Variants in SLC2A13 observed in about 807,000 individuals in gnomAD.
SLC2A13 encodes proton myo-inositol cotransporter.
A neutral mutation model predicts 64.4 loss-of-function variants in SLC2A13; 32 were observed. The ratio of observed to expected loss-of-function variants is 0.50; its 90% CI spans 0.37 to 0.67. The LOEUF is 0.67. SLC2A13 is among the 30% of genes least tolerant of loss of function. The probability of loss-of-function intolerance (pLI) is 0.00; values close to 1 mark genes in which losing one functional copy is unlikely to be tolerated. For missense variants in SLC2A13, 743 were observed against 829.2 expected (o/e 0.90, Z 1.28); for synonymous variants, 338 against 327.1 (o/e 1.03, Z -0.36).
chr12:39,789,187 C>A (rs1941290707), intron 7 of SLC2A13, among the ~76,000 whole-genome samples: 1 of 152,036 alleles, frequency 6.6e-6, no homozygotes, highest in Non-Finnish European at 1.5e-5. Context: ...GAGATAATTA[C>A]CATCATGAGT....
intron 1 of SLC2A13, among the ~76,000 whole-genome samples, chr12:40,051,012 TAGTTATG>T (rs1948244946): frequency 6.6e-6 from 1 of 152,178 alleles, no homozygotes; most frequent in Admixed American, 6.6e-5. Flanking sequence ...TTATCATCTC[TAGTTATG>T]AGGCATCCCA....
At chr12:40,016,516 T>C (rs1947624704) in intron 3 of SLC2A13, among the ~76,000 whole-genome samples, 1 of 152,206 alleles carries the variant, frequency 6.6e-6, no homozygotes, top group South Asian at 2.1e-4. Flanking sequence ...ATGGTCAAGA[T>C]AATCATTTGT....
intron 3 of SLC2A13, among the ~76,000 whole-genome samples, chr12:40,015,692 T>C (rs1439480532): frequency 2.0e-5 from 3 of 152,190 alleles, no homozygotes; most frequent in African/African-American, 7.2e-5. Context: ...ATTCCTTTAT[T>C]GTCTGTGTTC....
chr12:40,038,406 G>A (rs1205814841), intron 2 of SLC2A13, among the ~76,000 whole-genome samples: 1 of 151,952 alleles, frequency 6.6e-6, no homozygotes, highest in Non-Finnish European at 1.5e-5. Flanking sequence ...TATACCCCAG[G>A]ATATGATGAA....
At chr12:39,896,550 A>G (rs941449070) in intron 4 of SLC2A13, among the ~76,000 whole-genome samples, 7 of 141,194 alleles carry the variant, frequency 5.0e-5, no homozygotes, top group Admixed American at 1.6e-4. Context: ...GTATGTGTGT[A>G]TACATGTATA....
chr12:39,995,431 C>T (rs1947210647), intron 3 of SLC2A13, among the ~76,000 whole-genome samples: 1 of 152,080 alleles, frequency 6.6e-6, no homozygotes, highest in African/African-American at 2.4e-5. Flanking sequence ...TCCCATCCTC[C>T]AGTAACCACC....
At chr12:39,963,572 A>G (rs972683759) in intron 3 of SLC2A13, among the ~76,000 whole-genome samples, 1 of 152,202 alleles carries the variant, frequency 6.6e-6, no homozygotes, top group African/African-American at 2.4e-5. Flanking sequence ...CTGCCAAACT[A>G]TTCTTACAAC....
At chr12:39,774,765 C>G (rs1189880010) in intron 7 of SLC2A13, among the ~76,000 whole-genome samples, 1 of 152,010 alleles carries the variant, frequency 6.6e-6, no homozygotes. Flanking sequence ...CAAAAAGCCA[C>G]TTTTTTCCTG....
chr12:40,084,966 G>A (rs1206200472), intron 1 of SLC2A13, among the ~76,000 whole-genome samples: 1 of 152,172 alleles, frequency 6.6e-6, no homozygotes, highest in Non-Finnish European at 1.5e-5. Context: ...GAGAGAAGCT[G>A]AAGGTTAAGT....
chr12:39,964,708 C>A (rs541725627), intron 3 of SLC2A13, among the ~76,000 whole-genome samples: 5 of 152,274 alleles, frequency 3.3e-5, no homozygotes, highest in Non-Finnish European at 7.4e-5. Context: ...AAGGTGAATG[C>A]TGGATCTTAG....
intron 3 of SLC2A13, among the ~76,000 whole-genome samples, chr12:39,955,758 C>T (rs1158263061): frequency 1.3e-5 from 2 of 151,896 alleles, no homozygotes; most frequent in Non-Finnish European, 2.9e-5. Flanking sequence ...GAGGAAGATT[C>T]GAGACAAAAG....
At chr12:40,053,281 CAAAAAAAAAA>C (rs35810974) in intron 1 of SLC2A13, among the ~76,000 whole-genome samples, 3 of 69,122 alleles carry the variant, frequency 4.3e-5, no homozygotes. Context: ...GACTCCATCT[CAAAAAAAAAA>C]AAAAAAAAAA....
intron 4 of SLC2A13, among the ~76,000 whole-genome samples, chr12:39,924,378 A>G (rs1405736138): frequency 6.6e-6 from 1 of 152,114 alleles, no homozygotes; most frequent in African/African-American, 2.4e-5. Flanking sequence ...GATACTAAGT[A>G]TCTACTATTT....
intron 3 of SLC2A13, among the ~76,000 whole-genome samples, chr12:39,972,913 C>A (rs1476750189): frequency 6.6e-6 from 1 of 151,952 alleles, no homozygotes; most frequent in Non-Finnish European, 1.5e-5. Flanking sequence ...ACTAAAAATA[C>A]AAAATTAGCT....
intron 2 of SLC2A13, among the ~76,000 whole-genome samples, chr12:40,044,514 C>A (rs767739634): frequency 6.6e-6 from 1 of 152,090 alleles, no homozygotes; most frequent in Non-Finnish European, 1.5e-5. Flanking sequence ...AAAATCAAAT[C>A]TTTAACAATA....
intron 7 of SLC2A13, among the ~76,000 whole-genome samples, chr12:39,791,100 A>G (rs1310953292): frequency 2.0e-5 from 3 of 150,180 alleles, no homozygotes; most frequent in African/African-American, 7.4e-5. Flanking sequence ...GTTTGAGTTC[A>G]TTGTAGATTC....
intron 3 of SLC2A13, among the ~76,000 whole-genome samples, chr12:39,989,620 A>G (rs1461094745): frequency 6.6e-6 from 1 of 152,170 alleles, no homozygotes; most frequent in African/African-American, 2.4e-5. Context: ...CACACAACCA[A>G]TGACACTGAA....
chr12:40,082,035 A>C (rs1304464302), intron 1 of SLC2A13, among the ~76,000 whole-genome samples: 1 of 152,030 alleles, frequency 6.6e-6, no homozygotes, highest in Non-Finnish European at 1.5e-5. Context: ...TGGCCCCTTG[A>C]GGTTAAGCTC....
chr12:39,909,855 G>GT (rs1171615288), intron 4 of SLC2A13, among the ~76,000 whole-genome samples: 1 of 147,316 alleles, frequency 6.8e-6, no homozygotes, highest in Non-Finnish European at 1.5e-5. Flanking sequence ...TCTTCTTACA[G>GT]TTTGTTTTTT....
Sources: allele counts gnomAD v4.1 joint callset (sites outside exome capture counted in the v4.1 genomes callset), GRCh38; gene constraint gnomAD v4.1.1; transcripts MANE v1.5; gene names NCBI Gene and HGNC (gene_info 2026-07-23, HGNC 2026-07-21).